CACNA1A: variants seen among roughly 807,000 people sequenced by gnomAD.
CACNA1A encodes the protein calcium voltage-gated channel subunit alpha1 A.
CACNA1A carries 57 observed loss-of-function variants against 262.4 expected under a neutral mutation model. The ratio of observed to expected loss-of-function variants is 0.22; its 90% CI spans 0.18 to 0.27. The LOEUF is 0.27. Ranked by LOEUF, CACNA1A falls within the 10% of genes least tolerant of loss-of-function variation. CACNA1A has a pLI of 1.00. For synonymous variants in CACNA1A, 1,431 were observed against 1,419.3 expected (o/e 1.01, Z -0.18); for missense variants, 2,526 against 3,562.8 (o/e 0.71, Z 7.41).
chr19:13,378,259 TTTC>T (rs2059452039), intron 3 of CACNA1A, among the ~76,000 whole-genome samples: 1 of 152,206 alleles, frequency 6.6e-6, no homozygotes, highest in Admixed American at 6.5e-5. Flanking sequence ...AAGAAAGTGA[TTTC>T]TTGAGATGGA....
At chr19:13,402,890 ATATATATATATATATAT>A (rs1457158795) in intron 3 of CACNA1A, among the ~76,000 whole-genome samples, 1 of 103,682 alleles carries the variant, frequency 9.6e-6, no homozygotes, top group East Asian at 4.4e-4. Flanking sequence ...ATATATATAT[ATATATATATATATATAT>A]ATATATATAC....
intron 3 of CACNA1A, among the ~76,000 whole-genome samples, chr19:13,407,239 CAAGA>C (rs2060027817): frequency 6.6e-6 from 1 of 152,178 alleles, no homozygotes; most frequent in African/African-American, 2.4e-5. Flanking sequence ...CAGAAAGACA[CAAGA>C]AAGTAAGTTT....
chr19:13,484,751 T>C (rs951740019), intron 1 of CACNA1A, among the ~76,000 whole-genome samples: 2 of 152,194 alleles, frequency 1.3e-5, no homozygotes, highest in Non-Finnish European at 2.9e-5. Flanking sequence ...CACAGGACCT[T>C]TGCACATGCT....
chr19:13,464,811 G>C (rs527262923), intron 1 of CACNA1A, among the ~76,000 whole-genome samples: 1 of 151,892 alleles, frequency 6.6e-6, no homozygotes, highest in South Asian at 2.1e-4. Context: ...GCCTCCCAAA[G>C]TGCTGGGATT....
At position 13,330,247 on chromosome 19, in the gene CACNA1A, C is replaced by T; in HGVS notation, c.1342G>A (p.Val448Met). ...AEDQLADIAS[V>M]GSPFARASIK... ...GGTGGCAGAGGAAGGGACTCACCCA[C>T]AGAGGCTATATCAGCCAGCTGATCC... Residue 448 changes from valine (V) to methionine (M), a missense_variant, in exon 10 of 47, where the codon GTG (valine) becomes ATG (methionine). Coordinates refer to ENST00000360228, the MANE Select transcript of CACNA1A (RefSeq NM_001127222.2). 6.4e-7 allele frequency: 1 copy of T among 1,553,972 alleles called. No homozygotes were observed. The highest frequency in any genetic ancestry group is 1.2e-5 in the South Asian group (1 of 84,208).
intron 1 of CACNA1A, among the ~76,000 whole-genome samples, chr19:13,458,497 T>C (rs2061056933): frequency 6.6e-6 from 1 of 151,908 alleles, no homozygotes; most frequent in Non-Finnish European, 1.5e-5. Flanking sequence ...TAATTTTACC[T>C]CAATAAAAAA....
chr19:13,419,955 G>A (rs1323071019), intron 3 of CACNA1A, among the ~76,000 whole-genome samples: 1 of 151,708 alleles, frequency 6.6e-6, no homozygotes, highest in African/African-American at 2.4e-5. Flanking sequence ...GTATGGTGGC[G>A]GACACCTGTA....
chr19:13,214,806 G>T lies in CACNA1A; in HGVS notation c.5732-198C>A. 1 of 595,198 alleles carries T rather than the reference G, an allele frequency of 1.7e-6. No individual in the cohort carries two copies. Among genetic ancestry groups the T allele is most frequent in the South Asian group, 2.0e-5 (1 of 49,628 alleles). 36.9% of individuals were successfully genotyped at this position (595,198 alleles called of 1,614,324 possible). A position where few individuals can be genotyped will look rare whatever the true frequency, so the allele number is the denominator to read the frequency against. On this transcript the variant is annotated intron_variant, in intron 38 of 46. Coordinates refer to ENST00000360228, the MANE Select transcript of CACNA1A (RefSeq NM_001127222.2). This position sits in a 1 kb window ranked among gnomAD's most constrained non-coding sequence, Gnocchi z 4.1. ...AATGACCTTGTGGGCTCTGGTTTTC[G>T]GTGGGGCCAGGACCATGGAGCAGCT...
At chr19:13,378,712 G>A (rs1230439049) in intron 3 of CACNA1A, among the ~76,000 whole-genome samples, 1 of 151,776 alleles carries the variant, frequency 6.6e-6, no homozygotes, top group Non-Finnish European at 1.5e-5. Flanking sequence ...ACCCAGGCTG[G>A]AGTGCAGCAG....
chr19:13,428,691 C>T (rs2060447495), intron 3 of CACNA1A, among the ~76,000 whole-genome samples: 1 of 152,140 alleles, frequency 6.6e-6, no homozygotes, highest in Admixed American at 6.6e-5. Context: ...AGAATTTTCG[C>T]CACGTCCACT....
chr19:13,310,322 G>A (rs982505532), intron 12 of CACNA1A, among the ~76,000 whole-genome samples: 2 of 150,222 alleles, frequency 1.3e-5, no homozygotes, highest in Non-Finnish European at 3.0e-5. Flanking sequence ...GGGGGTGGTG[G>A]TGCATGCCTC....
intron 38 of CACNA1A, among the ~76,000 whole-genome samples, chr19:13,223,887 C>T (rs570389971): frequency 1.5e-4 from 23 of 152,168 alleles, no homozygotes; most frequent in African/African-American, 5.3e-4. Flanking sequence ...CCAAATGGGC[C>T]GGGTGTGGTG....
At chr19:13,372,424 G>A (rs937216634) in intron 3 of CACNA1A, among the ~76,000 whole-genome samples, 3 of 151,970 alleles carry the variant, frequency 2.0e-5, no homozygotes, top group South Asian at 2.1e-4. Flanking sequence ...CACCCGCCTC[G>A]GCCTCCCAAA....
At chr19:13,437,199 T>C (rs1377548675) in intron 3 of CACNA1A, among the ~76,000 whole-genome samples, 1 of 152,174 alleles carries the variant, frequency 6.6e-6, no homozygotes, top group Non-Finnish European at 1.5e-5. Context: ...GGAAGCCTGG[T>C]TCTACAGTGG....
chr19:13,235,566 G>T, intron 32 of CACNA1A, 48 bp downstream of exon 32: 1 of 1,289,100 alleles, frequency 7.8e-7, no homozygotes, highest in Non-Finnish European at 1.1e-6. Flanking sequence ...GAGCATGAGG[G>T]TCACCTGTCT....
At chr19:13,331,247 T>C (rs12461624) in intron 9 of CACNA1A, among the ~76,000 whole-genome samples, 17,565 of 152,066 alleles carry the variant, frequency 0.12, 1,049 homozygotes, top group South Asian at 0.19. Context: ...GCTTTCTTTC[T>C]TTTTTTTGAG....
At chr19:13,322,823 T>A (rs901574737) in intron 10 of CACNA1A, among the ~76,000 whole-genome samples, 6 of 152,184 alleles carry the variant, frequency 3.9e-5, no homozygotes, top group South Asian at 2.1e-4. Context: ...TCTCCTCTTA[T>A]AAAGACAGCA....
intron 3 of CACNA1A, among the ~76,000 whole-genome samples, chr19:13,417,782 T>C (rs2060248630): frequency 6.7e-6 from 1 of 149,614 alleles, no homozygotes; most frequent in African/African-American, 2.5e-5. Flanking sequence ...CCCAGATATT[T>C]GGGAGGCTGA....
At chr19:13,466,403 C>T (rs909250216) in intron 1 of CACNA1A, among the ~76,000 whole-genome samples, 21 of 151,198 alleles carry the variant, frequency 1.4e-4, no homozygotes, top group Middle Eastern at 3.2e-3. Context: ...TGCAGTGGCA[C>T]GATCTTGGCT....
Sources: gnomAD v4.1 joint callset for allele counts (sites outside exome capture counted in the v4.1 genomes callset) on GRCh38, gnomAD v4.1.1 for gene constraint, Gnocchi (gnomAD v3.1) non-coding constraint, MANE v1.5 for transcripts, NCBI Gene and HGNC (gene_info 2026-07-23, HGNC 2026-07-21) for gene names.